Variants in PEAK1 observed in about 807,000 individuals in gnomAD.
The protein encoded by PEAK1 is inactive tyrosine-protein kinase PEAK1.
A neutral mutation model predicts 124.7 loss-of-function variants in PEAK1; 54 were observed. That is an observed-to-expected ratio of 0.43 (90% CI 0.35 to 0.54). The LOEUF (loss-of-function observed/expected upper bound fraction) is 0.54, where lower values mean the gene tolerates loss of function less well. Among genes scored for constraint, PEAK1 ranks in the 20% least tolerant of loss-of-function variants. The probability of loss-of-function intolerance (pLI) is 0.01; values close to 1 mark genes in which losing one functional copy is unlikely to be tolerated. For synonymous variants in PEAK1, 719 were observed against 760.0 expected (o/e 0.95, Z 0.89); for missense variants, 2,046 against 2,134.5 (o/e 0.96, Z 0.82).
intron 7 of PEAK1, among the ~76,000 whole-genome samples, chr15:77,166,757 C>A (rs2056130680): frequency 1.3e-5 from 2 of 152,218 alleles, no homozygotes; most frequent in South Asian, 4.1e-4. Context: ...TAAGCAGTTA[C>A]ATTATTTGCT....
At chr15:77,305,258 T>C (rs918930587) in intron 2 of PEAK1, among the ~76,000 whole-genome samples, 3 of 151,556 alleles carry the variant, frequency 2.0e-5, no homozygotes, top group African/African-American at 7.3e-5. Flanking sequence ...TATAACAATA[T>C]ATGGAAAAAT....
intron 1 of PEAK1, among the ~76,000 whole-genome samples, chr15:77,365,475 C>A (rs1323271058): frequency 6.6e-6 from 1 of 152,158 alleles, no homozygotes; most frequent in South Asian, 2.1e-4. Flanking sequence ...CGGCGGCTCA[C>A]GCCTGTAATC....
At chr15:77,324,352 G>A (rs2065433821) in intron 2 of PEAK1, among the ~76,000 whole-genome samples, 1 of 151,968 alleles carries the variant, frequency 6.6e-6, no homozygotes, top group African/African-American at 2.4e-5. Context: ...ATAGTGGTGG[G>A]TGCCTGTAAG....
At position 77,352,081 on chromosome 15, in the gene PEAK1, A is replaced by T. The variant is rs1048910076; in HGVS notation, c.-603+13082T>A. The T allele has an allele frequency of 7.3e-5, 59 of 809,740 alleles. No homozygotes were observed. In the Middle Eastern group the frequency reaches 1.9e-3, roughly 26 times the overall value. The allele number at this position is 809,740 out of a possible 1,614,324, so 50.2% of individuals were successfully genotyped here. A position where few individuals can be genotyped will look rare whatever the true frequency, so the allele number is the denominator to read the frequency against. On this transcript the variant is annotated intron_variant, in intron 2 of 9. Coordinates refer to ENST00000682557, the MANE Select transcript of PEAK1 (RefSeq NM_001385026.1). The stretch of plus-strand genomic sequence containing the variant: ...CCAAAAATTTAAAAATTGGCCAGGC[A>T]TGGTGATACATGCCTGTGGTTCCAG...
At chr15:77,339,244 G>T (rs1469518824) in intron 2 of PEAK1, among the ~76,000 whole-genome samples, 1 of 151,842 alleles carries the variant, frequency 6.6e-6, no homozygotes, top group African/African-American at 2.4e-5. Context: ...CGGGGTAGCT[G>T]GGACTAAAAG....
At chr15:77,196,355 C>G (rs1596557055) in intron 6 of PEAK1, among the ~76,000 whole-genome samples, 1 of 152,076 alleles carries the variant, frequency 6.6e-6, no homozygotes, top group East Asian at 1.9e-4. Flanking sequence ...ACTAGGTACT[C>G]TTTTTTGAAT....
chr15:77,211,506 T>C (rs1039652296), intron 6 of PEAK1, among the ~76,000 whole-genome samples: 4 of 152,124 alleles, frequency 2.6e-5, no homozygotes, highest in African/African-American at 9.7e-5. Flanking sequence ...ATACAAATGC[T>C]GAGCAAAATA....
intron 2 of PEAK1, among the ~76,000 whole-genome samples, chr15:77,298,106 T>G (rs1284951197): frequency 6.9e-6 from 1 of 145,420 alleles, no homozygotes; most frequent in African/African-American, 2.5e-5. Context: ...TCACAGTATT[T>G]CAGGTCAAGT....
At chr15:77,233,207 A>C (rs573879492) in intron 6 of PEAK1, among the ~76,000 whole-genome samples, 27 of 152,268 alleles carry the variant, frequency 1.8e-4, no homozygotes, top group African/African-American at 6.0e-4. Flanking sequence ...TTCTAAAGCA[A>C]AACTACTTAA....
At chr15:77,152,884 G>T (rs1342113390) in intron 8 of PEAK1, among the ~76,000 whole-genome samples, 2 of 151,764 alleles carry the variant, frequency 1.3e-5, no homozygotes, top group Non-Finnish European at 2.9e-5. Context: ...TGCTGGATTC[G>T]GTTTGCCAGT....
intron 1 of PEAK1, chr15:77,402,307 A>G: frequency 1.0e-6 from 1 of 985,382 alleles, no homozygotes; most frequent in Non-Finnish European, 1.2e-6. Flanking sequence ...ATATCTAGAC[A>G]TCGGGGAGAA....
rs979778678 is a variant in PEAK1 at position 77,111,758 on chromosome 15, A to C, written c.*2398T>G. On this transcript the variant is annotated 3_prime_UTR_variant, in exon 10 of 10. Coordinates refer to ENST00000682557, the MANE Select transcript of PEAK1 (RefSeq NM_001385026.1). ...AAAAAAGATAAGTAGAGACATAACA[A>C]ATAGAGGGACCAGGAAACATTCAGC... The C allele has an allele frequency of 1.3e-5, 2 of 152,212 alleles. No individual in the cohort carries two copies. The highest frequency in any genetic ancestry group is 1.5e-5 in the Non-Finnish European group (1 of 68,038). The allele number at this position is 152,212 out of a possible 1,614,324, so 9.4% of individuals were successfully genotyped here.
chr15:77,153,255 A>G (rs181005219), intron 8 of PEAK1, among the ~76,000 whole-genome samples: 2 of 152,304 alleles, frequency 1.3e-5, no homozygotes, highest in Admixed American at 1.3e-4. Context: ...CATTTCTTCT[A>G]GGTTTTCCAG....
At chr15:77,205,244 C>CA (rs2152852811) in intron 6 of PEAK1, 1 of 89,678 alleles carries the variant, frequency 1.1e-5, no homozygotes, top group South Asian at 1.7e-4. Flanking sequence ...CATCTCATCC[C>CA]ATTTTTTTTT....
chr15:77,354,863 C>A (rs1331036003), intron 2 of PEAK1, among the ~76,000 whole-genome samples: 1 of 151,990 alleles, frequency 6.6e-6, no homozygotes, highest in Admixed American at 6.6e-5. Context: ...CACGGTGAAA[C>A]CCTGTCTCTA....
intron 9 of PEAK1, among the ~76,000 whole-genome samples, chr15:77,127,257 G>C (rs908017217): frequency 2.0e-5 from 3 of 152,138 alleles, no homozygotes; most frequent in Non-Finnish European, 4.4e-5. Context: ...CTTGATCTTG[G>C]GTCTTCCAGC....
intron 6 of PEAK1, among the ~76,000 whole-genome samples, chr15:77,185,589 G>T (rs1289228520): frequency 1.3e-5 from 2 of 152,190 alleles, no homozygotes; most frequent in African/African-American, 2.4e-5. Flanking sequence ...ACCTTAGCAT[G>T]AACTATTTGG....
intron 2 of PEAK1, among the ~76,000 whole-genome samples, chr15:77,324,032 G>A (rs900746809): frequency 2.0e-5 from 3 of 152,208 alleles, no homozygotes; most frequent in African/African-American, 7.2e-5. Context: ...AAGAAATGGG[G>A]AAAGGATTCC....
chr15:77,366,064 A>T (rs1236947885), intron 1 of PEAK1, among the ~76,000 whole-genome samples: 1 of 152,222 alleles, frequency 6.6e-6, no homozygotes, highest in East Asian at 1.9e-4. Flanking sequence ...ATCTTTGATC[A>T]ATGAAATTAT....
Sources: gnomAD v4.1 joint callset for allele counts (sites outside exome capture counted in the v4.1 genomes callset) on GRCh38, gnomAD v4.1.1 for gene constraint, MANE v1.5 for transcripts, NCBI Gene and HGNC (gene_info 2026-07-23, HGNC 2026-07-21) for gene names.